Variants in ZFP82 observed in about 807,000 individuals in gnomAD.
The protein encoded by ZFP82 is ZFP82 zinc finger protein.
A neutral mutation model predicts 54.0 loss-of-function variants in ZFP82; 30 were observed. The observed-to-expected ratio is 0.56, with a 90% CI of 0.42 to 0.75. The LOEUF (loss-of-function observed/expected upper bound fraction) is 0.75. ZFP82 is among the 30% of genes least tolerant of loss of function. The probability of loss-of-function intolerance (pLI) is 0.00; values close to 1 mark genes in which losing one functional copy is unlikely to be tolerated. For missense variants in ZFP82, 500 were observed against 636.8 expected (o/e 0.79, Z 2.31); for synonymous variants, 194 against 209.5 (o/e 0.93, Z 0.64).
In ZFP82 at chr19:36,411,680, A is replaced by C. The variant is rs138513984; in HGVS notation, c.-78-1813T>G. The stretch of plus-strand genomic sequence containing the variant: ...AACAGATTAAATAATCCTGGCTAAC[A>C]TGGTGAAACCCCGTCTCTACTAAAA... On this transcript the variant is annotated intron_variant, in intron 1 of 4. Transcript: ENST00000392161. 5.0e-3 allele frequency among the ~76,000 whole-genome samples: 765 copies of C among 152,188 alleles called. 11 individuals are homozygous for C. The highest frequency in any genetic ancestry group is 0.018 in the African/African-American group (733 of 41,538).
chr19:36,409,993 G>T, intron 1 of ZFP82, 126 bp from the exon 2 acceptor site: 1 of 557,064 alleles, frequency 1.8e-6, no homozygotes, highest in Non-Finnish European at 3.2e-6. Context: ...ACACACGCGC[G>T]CACACACACA....
chr19:36,396,357 TAATA>T (rs1173761857), intron 4 of ZFP82, among the ~76,000 whole-genome samples: 3 of 151,986 alleles, frequency 2.0e-5, no homozygotes, highest in East Asian at 3.9e-4. Flanking sequence ...TCTCTAAAAA[TAATA>T]AATTGGCTGG....
Position 36,392,868 on chromosome 19 carries a change from G to A in ZFP82, c.1472C>T (p.Ser491Leu). 4 of 1,613,686 alleles carry A rather than the reference G, an allele frequency of 2.5e-6. No individual in the cohort carries two copies. The highest frequency in any genetic ancestry group is 2.5e-6 in the Non-Finnish European group (3 of 1,179,774). Reference protein sequence around the residue: ...KECRKAFRLNSSLIQHLRIHS... With the variant: ...KECRKAFRLNLSLIQHLRIHS... ...AATTCTCAGATGTTGAATAAGGGATGAATTAAGTCTAAAGGCCTTCCTACA... is the reference window on the plus strand; with the variant it reads ...AATTCTCAGATGTTGAATAAGGGATAAATTAAGTCTAAAGGCCTTCCTACA... The change falls in exon 5 of 5, where the codon TCA becomes TTA. Residue 491 changes from serine (S) to leucine (L), a missense_variant. Coordinates refer to ENST00000392161, the MANE Select transcript of ZFP82 (RefSeq NM_133466.4).
chr19:36,395,008 C>T (rs1339715371), intron 4 of ZFP82: 1 of 152,132 alleles, frequency 6.6e-6, no homozygotes, highest in East Asian at 1.9e-4. Flanking sequence ...CATACTTGTT[C>T]TAAATGTATC....
At chr19:36,416,229 G>C (rs1044204353) in intron 1 of ZFP82, among the ~76,000 whole-genome samples, 2 of 151,994 alleles carry the variant, frequency 1.3e-5, no homozygotes, top group African/African-American at 2.4e-5. Context: ...CCTACTATTA[G>C]ACACTAATTT....
chr19:36,416,724 C>G (rs992683632), intron 1 of ZFP82, among the ~76,000 whole-genome samples: 4 of 145,972 alleles, frequency 2.7e-5, no homozygotes, highest in African/African-American at 1.0e-4. Context: ...CCATTGCACT[C>G]CAGCCTGGGA....
intron 3 of ZFP82, among the ~76,000 whole-genome samples, chr19:36,407,123 C>T (rs569022881): frequency 7.6e-6 from 1 of 132,046 alleles, no homozygotes; most frequent in Non-Finnish European, 1.5e-5. Context: ...GTCGCCCAGG[C>T]TGGAGTGCAG....
chr19:36,398,547 A>G (rs2032334260), intron 4 of ZFP82, among the ~76,000 whole-genome samples: 1 of 152,128 alleles, frequency 6.6e-6, no homozygotes. Context: ...CAAAAAAAAA[A>G]AAAAATGTTT....
intron 4 of ZFP82, among the ~76,000 whole-genome samples, chr19:36,396,942 T>A (rs1410243206): frequency 6.7e-6 from 1 of 150,136 alleles, no homozygotes; most frequent in African/African-American, 2.5e-5. Flanking sequence ...CAAACTAAAA[T>A]ACAGCAATAA....
chr19:36,386,457 G>A (rs983439751), downstream of ZFP82, among the ~76,000 whole-genome samples: 3 of 152,230 alleles, frequency 2.0e-5, no homozygotes, highest in African/African-American at 7.2e-5. Context: ...AGTGCCTAAT[G>A]GAGAGAGGCC....
chr19:36,387,274 C>T (rs967527393), downstream of ZFP82, among the ~76,000 whole-genome samples: 2 of 152,118 alleles, frequency 1.3e-5, no homozygotes, highest in Non-Finnish European at 2.9e-5. Context: ...AGAGAAGCCA[C>T]GCTATAGTTT....
In ZFP82 at chr19:36,390,487, GACTA is replaced by G. The variant is rs2032178749; in HGVS notation, c.*2250_*2253del. On this transcript the variant is annotated 3_prime_UTR_variant, in exon 5 of 5. Coordinates refer to ENST00000392161, the MANE Select transcript of ZFP82 (RefSeq NM_133466.4). ...CTGTAAACTGGTAATTAGGTTTGGA[GACTA>G]ACTTGTACTTCTCAGTTTTGGGGGA... 1.3e-5 allele frequency: 2 copies of G among 152,086 alleles called. No individual in the cohort carries two copies. Among genetic ancestry groups the G allele is most frequent in the South Asian group, 4.1e-4 (2 of 4,836 alleles). 9.4% of individuals were successfully genotyped at this position (152,086 alleles called of 1,614,324 possible).
At position 36,418,607 on chromosome 19, in the gene ZFP82, G is replaced by T. The variant is rs920971206; in HGVS notation, c.-194C>A. ...GAGGCACAGCGATGCCCGAACGGAG[G>T]AAGCCGCTGCCGGGTCACGCCACAA... On this transcript the variant is annotated 5_prime_UTR_variant, in exon 1 of 5. Transcript: ENST00000392161. 1 of 152,324 alleles carries T rather than the reference G, an allele frequency of 6.6e-6. No individual in the cohort carries two copies. Among genetic ancestry groups the T allele is most frequent in the Non-Finnish European group, 1.5e-5 (1 of 68,150 alleles). 9.4% of individuals were successfully genotyped at this position (152,324 alleles called of 1,614,324 possible). A position where few individuals can be genotyped will look rare whatever the true frequency, so the allele number is the denominator to read the frequency against.
At chr19:36,399,809 T>C (rs1342903160) in intron 4 of ZFP82, among the ~76,000 whole-genome samples, 13 of 152,114 alleles carry the variant, frequency 8.5e-5, no homozygotes, top group African/African-American at 3.1e-4. Context: ...GGAAATACAA[T>C]AGTAAAAAAT....
At chr19:36,403,035 C>T (rs893860594) in intron 4 of ZFP82, among the ~76,000 whole-genome samples, 4 of 151,616 alleles carry the variant, frequency 2.6e-5, no homozygotes, top group African/African-American at 9.7e-5. Flanking sequence ...TCCAGCTTCT[C>T]GGGAGGCTGA....
chr19:36,406,949 G>T (rs995421408), intron 3 of ZFP82, among the ~76,000 whole-genome samples: 1 of 151,726 alleles, frequency 6.6e-6, no homozygotes, highest in Non-Finnish European at 1.5e-5. Context: ...TCTTTGTAGT[G>T]AGAACATTAA....
At chr19:36,413,561 T>G (rs2967526) in intron 1 of ZFP82, among the ~76,000 whole-genome samples, 1,820 of 152,136 alleles carry the variant, frequency 0.012, 38 homozygotes, top group African/African-American at 0.041. Context: ...AAGATATTCA[T>G]GATAAATTAC....
At position 36,403,322 on chromosome 19, in the gene ZFP82, CAAA is replaced by C. The variant is rs138418003; in HGVS notation, c.229+2255_229+2257del. 2.3e-3 allele frequency among the ~76,000 whole-genome samples: 153 copies of C among 65,508 alleles called. 2 individuals carry two copies. Among genetic ancestry groups the C allele is most frequent in the African/African-American group, 8.1e-3 (125 of 15,498 alleles). 43.0% of individuals were successfully genotyped at this position (65,508 alleles called of 152,430 possible). On this transcript the variant is annotated intron_variant, in intron 4 of 4. Coordinates refer to ENST00000392161, the MANE Select transcript of ZFP82 (RefSeq NM_133466.4). ...TGGGGAACAGAGTAAGACTCCATCT[CAAA>C]AAAAAAAAAAAAAAAAGGCCAGGCG...
At chr19:36,396,909 C>T (rs184949957) in intron 4 of ZFP82, among the ~76,000 whole-genome samples, 149 of 149,814 alleles carry the variant, frequency 9.9e-4, no homozygotes, top group African/African-American at 3.4e-3. Context: ...AAAACATAAC[C>T]ATAGTGCTTA....
Sources: gnomAD v4.1 joint callset for allele counts (sites outside exome capture counted in the v4.1 genomes callset) on GRCh38, gnomAD v4.1.1 for gene constraint, MANE v1.5 for transcripts, NCBI Gene and HGNC (gene_info 2026-07-23, HGNC 2026-07-21) for gene names.